Variants in PEBP4 observed in about 807,000 individuals in gnomAD.
The protein encoded by PEBP4 is phosphatidylethanolamine binding protein 4.
PEBP4 carries 22 observed loss-of-function variants against 23.9 expected under a neutral mutation model. That is an observed-to-expected ratio of 0.92 (90% CI 0.66 to 1.31). The LOEUF (loss-of-function observed/expected upper bound fraction) is 1.31. PEBP4 is among the 40% of genes most tolerant of loss of function. The probability of loss-of-function intolerance (pLI) is 0.00; values close to 1 mark genes in which losing one functional copy is unlikely to be tolerated. For synonymous variants in PEBP4, 112 were observed against 99.3 expected, an observed-to-expected ratio of 1.13 and a Z score of -0.76; for missense variants, 324 against 281.7, an observed-to-expected ratio of 1.15 and a Z score of -1.07.
chr8:22,717,299 A>C lies in PEBP4; in HGVS notation c.518-3763T>G, dbSNP rs548919852. Among the ~76,000 whole-genome samples the C allele has an allele frequency of 1.1e-4, 17 of 152,248 alleles. 1 individual carries two copies. In the South Asian group the frequency reaches 3.5e-3, roughly 32 times the overall value. Reference sequence around the variant, plus strand: ...TGATCCTCCTGCCTGGGCCTCCCAAAGTGCTGGGATTACGGGTGTGAGTCA... The same window carrying C: ...TGATCCTCCTGCCTGGGCCTCCCAACGTGCTGGGATTACGGGTGTGAGTCA... On this transcript the variant is annotated intron_variant, in intron 6 of 6. Transcript: ENST00000256404.
intron 3 of PEBP4, among the ~76,000 whole-genome samples, chr8:22,829,948 A>G (rs1010242841): frequency 1.3e-5 from 2 of 152,086 alleles, no homozygotes; most frequent in East Asian, 1.9e-4. Flanking sequence ...ACCAAATCCA[A>G]TGGATGTTTT....
At chr8:22,933,835 T>C (rs139968586) in intron 1 of PEBP4, among the ~76,000 whole-genome samples, 1 of 152,326 alleles carries the variant, frequency 6.6e-6, no homozygotes, top group African/African-American at 2.4e-5. Flanking sequence ...TCTTAGTCCA[T>C]TTAGTGCTGT....
In PEBP4 at chr8:22,937,795, T is replaced by C. The variant is rs1809558874; in HGVS notation, c.145-10075A>G. Among the ~76,000 whole-genome samples, 3 of 61,738 alleles carry C rather than the reference T, an allele frequency of 4.9e-5. No individual in the cohort carries two copies. The South Asian group carries it at 1.3e-3, about 26-fold the overall frequency. The allele number at this position is 61,738 out of a possible 152,430, so 40.5% of individuals were successfully genotyped here. On this transcript the variant is annotated intron_variant, in intron 1 of 1. Transcript: ENST00000522278. ...AAACCCTCATATGTGTGTATGTGTA[T>C]GTATGTGTGTGTGTGTGTGTGTGTG...
chr8:22,916,533 T>G (rs1054647688), intron 3 of PEBP4, among the ~76,000 whole-genome samples: 2 of 151,754 alleles, frequency 1.3e-5, no homozygotes, highest in Non-Finnish European at 2.9e-5. Flanking sequence ...GAGAGAGTCC[T>G]GCTGCCCTGG....
intron 3 of PEBP4, among the ~76,000 whole-genome samples, chr8:22,893,216 T>C (rs753792652): frequency 3.9e-5 from 6 of 152,174 alleles, no homozygotes; most frequent in South Asian, 2.1e-4. Context: ...TATTCAGCAG[T>C]GGGGCAAAAT....
intron 3 of PEBP4, among the ~76,000 whole-genome samples, chr8:22,818,016 G>A (rs556446503): frequency 6.6e-6 from 1 of 152,342 alleles, no homozygotes; most frequent in Non-Finnish European, 1.5e-5. Context: ...AGTTCTGAGC[G>A]CTGTGCTGAG....
At chr8:22,739,260 G>A (rs1049826455) in intron 4 of PEBP4, among the ~76,000 whole-genome samples, 2 of 152,206 alleles carry the variant, frequency 1.3e-5, no homozygotes, top group Non-Finnish European at 2.9e-5. Flanking sequence ...GTAGGAGGCT[G>A]CAGGTCACCT....
Position 22,921,901 on chromosome 8 carries a change from GACAGACA to G in PEBP4, c.132-1598_132-1592del, listed in dbSNP as rs1585345881. 3.3e-5 allele frequency among the ~76,000 whole-genome samples: 5 copies of G among 152,358 alleles called. No individual in the cohort carries two copies. In the East Asian group the frequency reaches 9.6e-4, roughly 29 times the overall value. ...AGAGGGGACCCACCAAGGGCAGAGA[GACAGACA>G]GCAAACAGCACAGGATGGGAAAACT... is the stretch of plus-strand genomic sequence containing the variant. On this transcript the variant is annotated intron_variant, in intron 2 of 6. Transcript: ENST00000256404.
intron 4 of PEBP4, among the ~76,000 whole-genome samples, chr8:22,766,297 G>A (rs1427040373): frequency 6.6e-6 from 1 of 152,230 alleles, no homozygotes; most frequent in African/African-American, 2.4e-5. Context: ...AGGCATCTGG[G>A]AAATGCCAAA....
chr8:22,827,617 GACC>G (rs1479252524), intron 3 of PEBP4, among the ~76,000 whole-genome samples: 3 of 152,148 alleles, frequency 2.0e-5, no homozygotes, highest in Non-Finnish European at 2.9e-5. Context: ...TATGGATAGA[GACC>G]ACATTTGTTT....
At chr8:22,761,307 G>A (rs929807199) in intron 4 of PEBP4, among the ~76,000 whole-genome samples, 3 of 152,060 alleles carry the variant, frequency 2.0e-5, no homozygotes, top group African/African-American at 7.2e-5. Context: ...GGGGCCAGGG[G>A]CGCCCCTTGA....
chr8:22,761,160 T>A (rs900087502), intron 4 of PEBP4, among the ~76,000 whole-genome samples: 3 of 152,036 alleles, frequency 2.0e-5, no homozygotes, highest in Non-Finnish European at 4.4e-5. Context: ...GGCTGTGAGG[T>A]CATGCTTCTC....
chr8:22,928,000 T>A (rs1809388525), upstream of PEBP4: 1 of 385,720 alleles, frequency 2.6e-6, no homozygotes, highest in East Asian at 6.5e-5. Context: ...ACTCTTGTCC[T>A]GGCTGCCAGG....
rs375654624 is a variant in PEBP4, at chr8:22,780,476, G to A, written c.357+37161C>T. ...CACACACAGTAGAGAGAACCTCCCT[G>A]GGAAGCCAGGCACATTTGCATTTCT... On this transcript the variant is annotated intron_variant, in intron 4 of 6. Coordinates refer to ENST00000256404, the MANE Select transcript of PEBP4 (RefSeq NM_144962.3). 2.9e-4 allele frequency among the ~76,000 whole-genome samples: 44 copies of A among 152,214 alleles called. No individual in the cohort carries two copies. In the South Asian group the frequency reaches 8.9e-3, roughly 31 times the overall value.
At chr8:22,916,552 G>C (rs555937874) in intron 3 of PEBP4, among the ~76,000 whole-genome samples, 2 of 152,146 alleles carry the variant, frequency 1.3e-5, no homozygotes, top group Non-Finnish European at 2.9e-5. Context: ...GGGTTCACTA[G>C]GTTTAGCAGC....
At position 22,758,646 on chromosome 8, in the gene PEBP4, C is replaced by T. The variant is rs371772473; in HGVS notation, c.358-31426G>A. On this transcript the variant is annotated intron_variant, in intron 4 of 6. Coordinates refer to ENST00000256404, the MANE Select transcript of PEBP4 (RefSeq NM_144962.3). ...GCCCCGGAGTTAGTTTAATGGTCTG[C>T]CCTATGATTCTAATGATGCCTACTT... is the stretch of plus-strand genomic sequence containing the variant. Among the ~76,000 whole-genome samples the T allele has an allele frequency of 2.9e-3, 447 of 152,244 alleles. 14 individuals carry two copies. The South Asian group carries it at 0.057, about 20-fold the overall frequency.
At chr8:22,786,935 T>C (rs534808375) in intron 4 of PEBP4, among the ~76,000 whole-genome samples, 1 of 151,852 alleles carries the variant, frequency 6.6e-6, no homozygotes, top group African/African-American at 2.4e-5. Context: ...ATCCTCCCAC[T>C]TCAGCCTCCT....
intron 2 of PEBP4, among the ~76,000 whole-genome samples, chr8:22,927,224 A>G (rs1809359222): frequency 6.6e-6 from 1 of 151,914 alleles, no homozygotes; most frequent in Admixed American, 6.6e-5. Flanking sequence ...GGTTCTGGGG[A>G]GAGGGGGCAT....
intron 4 of PEBP4, among the ~76,000 whole-genome samples, chr8:22,806,797 CT>C (rs1463014224): frequency 6.6e-6 from 1 of 152,276 alleles, no homozygotes; most frequent in African/African-American, 2.4e-5. Context: ...ATCTCTCCCC[CT>C]TGGCCAAAAG....
Sources: allele counts gnomAD v4.1 joint callset (sites outside exome capture counted in the v4.1 genomes callset), GRCh38; gene constraint gnomAD v4.1.1; transcripts MANE v1.5; gene names NCBI Gene and HGNC (gene_info 2026-07-23, HGNC 2026-07-21).